ASIC2: variants seen among roughly 807,000 people sequenced by gnomAD.
The protein encoded by ASIC2 is acid-sensing ion channel 2.
In ASIC2, 25 loss-of-function variants were observed where a neutral mutation model predicts 57.3. That is an observed-to-expected ratio of 0.44 (90% CI 0.32 to 0.61). The LOEUF (loss-of-function observed/expected upper bound fraction) is 0.61. ASIC2 is among the 20% of genes least tolerant of loss of function. The pLI, the probability that ASIC2 is intolerant of heterozygous loss-of-function variation, is 0.06. For missense variants in ASIC2, 641 were observed against 738.1 expected (o/e 0.87, Z 1.52); for synonymous variants, 319 against 307.5 (o/e 1.04, Z -0.39).
At chr17:33,859,494 C>G (rs1417441786) in intron 1 of ASIC2, among the ~76,000 whole-genome samples, 1 of 152,198 alleles carries the variant, frequency 6.6e-6, no homozygotes, top group Non-Finnish European at 1.5e-5. Context: ...GATTAAGCAG[C>G]TTGTCCAGTA....
intron 3 of ASIC2, among the ~76,000 whole-genome samples, chr17:33,067,636 G>GCTCCCTA (rs2092049258): frequency 6.6e-6 from 1 of 152,144 alleles, no homozygotes; most frequent in African/African-American, 2.4e-5. Context: ...AGCCACCAAG[G>GCTCCCTA]GTGTCTAAGT....
chr17:33,121,452 G>A (rs555428970), intron 1 of ASIC2, among the ~76,000 whole-genome samples: 1 of 152,242 alleles, frequency 6.6e-6, no homozygotes, highest in Admixed American at 6.5e-5. Context: ...TCGGGGCATG[G>A]AGAAGTGTTG....
At chr17:33,807,205 G>A (rs763449761) in intron 1 of ASIC2, among the ~76,000 whole-genome samples, 14 of 152,210 alleles carry the variant, frequency 9.2e-5, no homozygotes, top group South Asian at 2.1e-4. Flanking sequence ...ATCAGTGGTC[G>A]TTTGGGTAAG....
intron 2 of ASIC2, among the ~76,000 whole-genome samples, chr17:33,090,607 GA>G (rs2092153977): frequency 6.6e-6 from 1 of 152,144 alleles, no homozygotes; most frequent in Non-Finnish European, 1.5e-5. Context: ...CAGGGATGGA[GA>G]GGGGGAGGAC....
At chr17:33,393,124 C>T (rs1282563277) in intron 1 of ASIC2, among the ~76,000 whole-genome samples, 2 of 152,142 alleles carry the variant, frequency 1.3e-5, no homozygotes, top group Admixed American at 1.3e-4. Context: ...CTGATGATTT[C>T]TATTCTATTA....
intron 1 of ASIC2, among the ~76,000 whole-genome samples, chr17:33,523,062 C>A (rs181302530): frequency 1.6e-3 from 241 of 152,288 alleles, no homozygotes; most frequent in African/African-American, 5.6e-3. Flanking sequence ...GGGCCTCAAT[C>A]TTCTTTTTGC....
At chr17:33,368,894 G>C (rs1160700353) in intron 1 of ASIC2, among the ~76,000 whole-genome samples, 2 of 152,180 alleles carry the variant, frequency 1.3e-5, no homozygotes, top group Admixed American at 1.3e-4. Flanking sequence ...TGGGTACCAG[G>C]TGCTGGATGG....
intron 1 of ASIC2, among the ~76,000 whole-genome samples, chr17:34,142,005 G>A (rs1225568413): frequency 4.6e-5 from 7 of 152,158 alleles, no homozygotes; most frequent in Non-Finnish European, 8.8e-5. Context: ...TCAACATTTT[G>A]TTAATAGCCA....
intron 1 of ASIC2, among the ~76,000 whole-genome samples, chr17:33,479,549 C>G (rs1196415293): frequency 6.6e-6 from 1 of 152,218 alleles, no homozygotes; most frequent in Non-Finnish European, 1.5e-5. Flanking sequence ...TTTGCAGGAG[C>G]TGGAGGAATT....
intron 1 of ASIC2, among the ~76,000 whole-genome samples, chr17:33,167,043 G>A (rs571386058): frequency 5.3e-5 from 8 of 152,284 alleles, no homozygotes; most frequent in African/African-American, 1.9e-4. Context: ...GTGAGTCAGT[G>A]TACATAAAGT....
intron 1 of ASIC2, among the ~76,000 whole-genome samples, chr17:34,154,932 T>C (rs1567618295): frequency 1.3e-5 from 2 of 152,110 alleles, no homozygotes; most frequent in Non-Finnish European, 2.9e-5. Context: ...TGACCTATTA[T>C]GCCAAGTTAT....
chr17:34,031,143 G>A (rs527453048), intron 1 of ASIC2, among the ~76,000 whole-genome samples: 13 of 152,272 alleles, frequency 8.5e-5, no homozygotes, highest in African/African-American at 2.4e-4. Context: ...TCACATGGCC[G>A]GGTACTCCTC....
At chr17:33,245,740 C>T (rs956777275) in intron 1 of ASIC2, among the ~76,000 whole-genome samples, 1 of 152,038 alleles carries the variant, frequency 6.6e-6, no homozygotes, top group Non-Finnish European at 1.5e-5. Context: ...CTGGTGGGCT[C>T]CTCAAGAAAC....
chr17:33,883,867 C>T (rs984037670), intron 1 of ASIC2, among the ~76,000 whole-genome samples: 1 of 150,348 alleles, frequency 6.7e-6, no homozygotes, highest in Non-Finnish European at 1.5e-5. Context: ...GCACTGTGCA[C>T]TATCTTGCAA....
intron 1 of ASIC2, among the ~76,000 whole-genome samples, chr17:33,858,186 G>T (rs1351409550): frequency 2.0e-5 from 3 of 152,196 alleles, no homozygotes. Flanking sequence ...TCGTCCTTAG[G>T]TCACCTACCC....
At chr17:33,304,904 G>A (rs543686061) in intron 1 of ASIC2, among the ~76,000 whole-genome samples, 1 of 152,180 alleles carries the variant, frequency 6.6e-6, no homozygotes, top group Non-Finnish European at 1.5e-5. Context: ...ATAGCTTGAA[G>A]GGCCTGAGCA....
intron 1 of ASIC2, among the ~76,000 whole-genome samples, chr17:33,799,434 C>CTTTCTTTCTTTCTTTCTTA (rs1912047920): frequency 3.2e-5 from 1 of 31,128 alleles, no homozygotes; most frequent in African/African-American, 1.1e-4. Context: ...TTTCTTCTTT[C>CTTTCTTTCTTTCTTTCTTA]TTTCTTTCTT....
At chr17:33,219,858 T>C (rs1483179954) in intron 1 of ASIC2, among the ~76,000 whole-genome samples, 4 of 152,322 alleles carry the variant, frequency 2.6e-5, no homozygotes, top group Admixed American at 6.5e-5. Context: ...GCAAGCCATT[T>C]GTTCATTCCC....
rs112411028 is a variant in ASIC2, at chr17:33,442,403, T to C, written c.556-330336A>G. Among the ~76,000 whole-genome samples, 547 of 152,340 alleles carry C rather than the reference T, an allele frequency of 3.6e-3. 1 individual carries two copies. Among genetic ancestry groups the C allele is most frequent in the African/African-American group, 0.013 (528 of 41,574 alleles). ...TCCTTTAATTCATGAGCATGAACTG[T>C]ATCTTCATTTATTTTGATACTCTTT... On this transcript the variant is annotated intron_variant, in intron 1 of 9. Transcript: ENST00000359872.
Sources: allele counts gnomAD v4.1 joint callset (sites outside exome capture counted in the v4.1 genomes callset), GRCh38; gene constraint gnomAD v4.1.1; transcripts MANE v1.5; gene names NCBI Gene and HGNC (gene_info 2026-07-23, HGNC 2026-07-21).